Variants in RIF1 observed in about 807,000 individuals in gnomAD.
RIF1 encodes replication timing regulatory factor 1.
RIF1 carries 45 observed loss-of-function variants against 247.1 expected under a neutral mutation model. The observed-to-expected ratio is 0.18, with a 90% confidence interval of 0.14 to 0.23. The LOEUF (loss-of-function observed/expected upper bound fraction) is 0.23, where lower values mean the gene tolerates loss of function less well. Among genes scored for constraint, RIF1 ranks in the 10% least tolerant of loss-of-function variants. The probability of loss-of-function intolerance (pLI) is 1.00; values close to 1 mark genes in which losing one functional copy is unlikely to be tolerated. For missense variants in RIF1, 2,967 were observed against 2,862.5 expected (o/e 1.04, Z -0.83); for synonymous variants, 1,087 against 978.8 (o/e 1.11, Z -2.06).
At chr2:151,489,901 T>A in intron 9 of RIF1, 1 of 1,217,172 alleles carries the variant, frequency 8.2e-7, no homozygotes, top group Non-Finnish European at 1.2e-6. Context: ...TAATACCTAA[T>A]ACTTATAATC....
At chr2:151,518,932 CA>C in the RIF1 span, 1 of 1,483,030 alleles carries the variant, frequency 6.7e-7, no homozygotes, top group South Asian at 1.1e-5. Context: ...ATGGGTAAAA[CA>C]AGCTGTTTCT....
intron 9 of RIF1, among the ~76,000 whole-genome samples, chr2:151,431,210 T>G (rs955239073): frequency 6.6e-6 from 1 of 152,156 alleles, no homozygotes; most frequent in Admixed American, 6.5e-5. Context: ...TCTGCCATCT[T>G]TGATTTGTCT....
At chr2:151,410,637 A>G in intron 2 of RIF1, 110 bp downstream of exon 2, 2 of 885,776 alleles carry the variant, frequency 2.3e-6, no homozygotes, top group Non-Finnish European at 1.8e-6. Flanking sequence ...AGTCTAGCAA[A>G]TGTGAGGACG....
intron 21 of RIF1, among the ~76,000 whole-genome samples, chr2:151,454,005 C>T (rs1324974052): frequency 6.6e-6 from 1 of 152,202 alleles, no homozygotes; most frequent in Non-Finnish European, 1.5e-5. Context: ...AGTCTCCTGA[C>T]ATAATGGCTG....
chr2:151,425,043 G>A (rs1203673829), intron 8 of RIF1, among the ~76,000 whole-genome samples: 2 of 151,644 alleles, frequency 1.3e-5, no homozygotes, highest in East Asian at 1.9e-4. Context: ...CTGGGGTTCC[G>A]CTTCCATAAT....
At chr2:151,462,648 A>AGTGTGTGTGT (rs112752759) in intron 29 of RIF1, among the ~76,000 whole-genome samples, 182 bp downstream of exon 29, 69 of 150,734 alleles carry the variant, frequency 4.6e-4, no homozygotes, top group African/African-American at 1.7e-3. Flanking sequence ...GACACTAGTC[A>AGTGTGTGTGT]GTGTGTGTGT....
In RIF1 at chr2:151,478,857, T is replaced by C. The variant is rs570705599; in HGVS notation, c.*3786T>C. 1.3e-5 allele frequency: 2 copies of C among 152,354 alleles called. No homozygotes were observed. Among genetic ancestry groups the C allele is most frequent in the East Asian group, 1.9e-4 (1 of 5,188 alleles). 9.4% of individuals were successfully genotyped at this position (152,354 alleles called of 1,614,324 possible). A position where few individuals can be genotyped will look rare whatever the true frequency, so the allele number is the denominator to read the frequency against. On this transcript the variant is annotated 3_prime_UTR_variant, in exon 36 of 36. Coordinates refer to ENST00000444746, the MANE Select transcript of RIF1 (RefSeq NM_018151.5). ...TAGGAGGCTATAAAACAGCAGTTAGTTGGCATTATTAGACTAAAACTTGGG... is the reference window on the plus strand; with the variant it reads ...TAGGAGGCTATAAAACAGCAGTTAGCTGGCATTATTAGACTAAAACTTGGG...
intron 34 of RIF1, among the ~76,000 whole-genome samples, chr2:151,471,025 CTT>C (rs34599147): frequency 1.3e-5 from 2 of 151,192 alleles, no homozygotes; most frequent in Middle Eastern, 3.4e-3. Flanking sequence ...AATTTTGAAT[CTT>C]TTTTTTTATC....
chr2:151,513,649 G>A, the RIF1 span: 1 of 1,609,366 alleles, frequency 6.2e-7, no homozygotes, highest in Middle Eastern at 1.7e-4. Context: ...TGGCATTCAG[G>A]CCTCTTCCTT....
intron 22 of RIF1, among the ~76,000 whole-genome samples, chr2:151,456,313 A>G (rs1453361407): frequency 6.6e-6 from 1 of 152,244 alleles, no homozygotes; most frequent in African/African-American, 2.4e-5. Flanking sequence ...TGCCTAAAAG[A>G]AATGTACAGA....
intron 24 of RIF1, 51 bp from the exon 25 acceptor site, chr2:151,458,760 T>A: frequency 1.0e-6 from 1 of 999,900 alleles, no homozygotes; most frequent in South Asian, 1.5e-5. Context: ...ATCATCAGTG[T>A]TCACCAGTAC....
the RIF1 span, among the ~76,000 whole-genome samples, chr2:151,529,681 C>T: frequency 6.6e-6 from 1 of 152,120 alleles, no homozygotes; most frequent in Non-Finnish European, 1.5e-5. Flanking sequence ...CAGGCATGCG[C>T]CACCTCACCC....
In RIF1 at chr2:151,501,284, A is replaced by AAAG. The variant is rs1432914082; in HGVS notation, c.*709+1746_*710-1746dup. On this transcript the variant is annotated intron_variant and NMD_transcript_variant, in intron 11 of 13. Coordinates refer to the RIF1 transcript ENST00000454583. ...AAGGATTCAGTTGATGTGATTAAAA[A>AAAG]AAGATTTTGTTAAATTGATTATTAT... 1.1e-5 allele frequency: 8 copies of AAAG among 754,388 alleles called. No individual in the cohort carries two copies. The East Asian group carries it at 1.4e-4, about 13-fold the overall frequency. The allele number at this position is 754,388 out of a possible 1,614,324, so 46.7% of individuals were successfully genotyped here.
the RIF1 span, chr2:151,525,081 A>G: frequency 1.0e-6 from 1 of 994,924 alleles, no homozygotes; most frequent in South Asian, 1.3e-5. Flanking sequence ...TAGAGTGACC[A>G]CACACTGGAA....
Position 151,463,135 on chromosome 2 carries a change from C to T in RIF1, c.3615C>T (p.Thr1205=). 2 of 1,613,936 alleles carry T rather than the reference C, an allele frequency of 1.2e-6. No individual in the cohort carries two copies. The highest frequency in any genetic ancestry group is 2.7e-5 in the African/African-American group (2 of 75,014). ...FVVSSSSVSN[T]TVAGTPPYPT... is the part of the protein sequence containing the mutation. ...TCAGCAGTAGTTCAGTTTCTAATAC[C>T]ACTGTTGCTGGAACTCCCCCATACC... Residue 1205 remains threonine, a synonymous_variant, in exon 30 of 36, where the codon ACC becomes ACT. Transcript: ENST00000444746.
At chr2:151,518,246 T>C in the RIF1 span, 1 of 1,069,418 alleles carries the variant, frequency 9.4e-7, no homozygotes, top group Non-Finnish European at 1.5e-6. Flanking sequence ...GGAGGGAATC[T>C]ATGAAATTTT....
chr2:151,495,838 G>A (rs2059814352), intron 10 of RIF1, among the ~76,000 whole-genome samples: 1 of 152,066 alleles, frequency 6.6e-6, no homozygotes, highest in South Asian at 2.1e-4. Context: ...TTTTTCCCAA[G>A]GTCTCTTTGT....
At position 151,493,835 on chromosome 2, in the gene RIF1, G is replaced by T. The variant is rs1559159983; in HGVS notation, c.*416-1394G>T. Reference sequence around the variant, plus strand: ...CCATCTCAGGAGTAAAGGGTGTGGGGGTTGCTTTCCCCAGGTTCTCTTTGT... The same window carrying T: ...CCATCTCAGGAGTAAAGGGTGTGGGTGTTGCTTTCCCCAGGTTCTCTTTGT... On this transcript the variant is annotated intron_variant and NMD_transcript_variant, in intron 9 of 13. Transcript: ENST00000454583. 1.5e-5 allele frequency: 24 copies of T among 1,583,442 alleles called. No homozygotes were observed. Among genetic ancestry groups the T allele is most frequent in the Non-Finnish European group, 2.0e-5 (23 of 1,163,754 alleles).
chr2:151,430,140 C>T (rs896039734), intron 9 of RIF1, among the ~76,000 whole-genome samples: 3 of 151,786 alleles, frequency 2.0e-5, no homozygotes, highest in African/African-American at 7.3e-5. Context: ...TCTGCCTCAG[C>T]CTCCCGATTA....
Sources: allele counts gnomAD v4.1 joint callset (sites outside exome capture counted in the v4.1 genomes callset), GRCh38; gene constraint gnomAD v4.1.1; transcripts MANE v1.5; gene names NCBI Gene and HGNC (gene_info 2026-07-23, HGNC 2026-07-21).